The following RPA2 variants were observed in gnomAD, a reference collection of about 807,000 sequenced individuals.
RPA2 encodes replication protein A2, also known as replication protein A 32 kDa subunit.
A neutral mutation model predicts 33.4 loss-of-function variants in RPA2; 22 were observed. The ratio of observed to expected loss-of-function variants is 0.66; its 90% confidence interval spans 0.47 to 0.94. The LOEUF (loss-of-function observed/expected upper bound fraction) is 0.94. Among genes scored for constraint, RPA2 ranks in the 40% least tolerant of loss-of-function variants. The probability of loss-of-function intolerance (pLI) is 0.00; values close to 1 mark genes in which losing one functional copy is unlikely to be tolerated. For missense variants in RPA2, 279 were observed against 329.9 expected (o/e 0.85, Z 1.19); for synonymous variants, 109 against 114.9 (o/e 0.95, Z 0.33).
intron 4 of RPA2, among the ~76,000 whole-genome samples, chr1:27,899,694 T>C (rs2089942342): frequency 6.6e-6 from 1 of 152,008 alleles, no homozygotes; most frequent in African/African-American, 2.4e-5. Flanking sequence ...TTTTTCTTTT[T>C]TTTTGAGACA....
intron 8 of RPA2, 21 bp downstream of exon 8, chr1:27,893,991 T>A: frequency 6.3e-7 from 1 of 1,588,198 alleles, no homozygotes; most frequent in Non-Finnish European, 8.6e-7. Flanking sequence ...GAGCCTGAGC[T>A]CATGAAAATC....
intron 4 of RPA2, among the ~76,000 whole-genome samples, chr1:27,904,649 C>T (rs2064709): frequency 0.44 from 66,032 of 151,354 alleles, 14,970 homozygotes; most frequent in African/African-American, 0.58. Flanking sequence ...AGGAGAACCG[C>T]ATTTTTTTTT....
chr1:27,911,044 C>T (rs1251159191), intron 2 of RPA2, among the ~76,000 whole-genome samples: 1 of 151,370 alleles, frequency 6.6e-6, no homozygotes, highest in African/African-American at 2.4e-5. Flanking sequence ...GGCAAAACCC[C>T]GTCTCCACTG....
At chr1:27,906,803 A>T in intron 4 of RPA2, 125 bp downstream of exon 4, 1 of 637,600 alleles carries the variant, frequency 1.6e-6, no homozygotes, top group Non-Finnish European at 2.7e-6. Context: ...CTTTTACTTT[A>T]GAGTATCTGT....
At chr1:27,894,899 G>C (rs1249576609) in intron 6 of RPA2, among the ~76,000 whole-genome samples, 2 of 151,850 alleles carry the variant, frequency 1.3e-5, no homozygotes, top group African/African-American at 4.8e-5. Context: ...ACCATATTTG[G>C]GTTGTCCCCC....
chr1:27,904,647 C>A, intron 4 of RPA2, among the ~76,000 whole-genome samples: 1 of 151,536 alleles, frequency 6.6e-6, no homozygotes, highest in Admixed American at 6.6e-5. Context: ...GAAGGAGAAC[C>A]GCATTTTTTT....
At chr1:27,908,284 G>A (rs546535212) in intron 2 of RPA2, among the ~76,000 whole-genome samples, 8 of 150,958 alleles carry the variant, frequency 5.3e-5, no homozygotes, top group African/African-American at 1.9e-4. Context: ...ACCACATCCA[G>A]TCAATTAAAA....
chr1:27,900,674 C>CT (rs980995633), intron 4 of RPA2, among the ~76,000 whole-genome samples: 4 of 151,222 alleles, frequency 2.6e-5, no homozygotes, highest in East Asian at 1.9e-4. Context: ...GAGTTGCTTC[C>CT]TTTTTTTTGA....
At chr1:27,895,501 G>A (rs1002642574) in intron 6 of RPA2, among the ~76,000 whole-genome samples, 1 of 152,038 alleles carries the variant, frequency 6.6e-6, no homozygotes, top group African/African-American at 2.4e-5. Flanking sequence ...AGATCACGAG[G>A]TCAGGAGATC....
Position 27,901,393 on chromosome 1 carries a change from G to A in RPA2, c.334-3686C>T, listed in dbSNP as rs542345136. The stretch of plus-strand genomic sequence containing the variant: ...TCTTCTTTTTTTGAGAGACAGTTTC[G>A]CTCCTGTTGCCCAGGCTGGAGTGCA... On this transcript the variant is annotated intron_variant, in intron 4 of 8. Transcript: ENST00000373912. 2.0e-5 allele frequency among the ~76,000 whole-genome samples: 3 copies of A among 151,034 alleles called. No homozygotes were observed. The East Asian group carries it at 5.8e-4, about 29-fold the overall frequency.
At chr1:27,908,610 C>A (rs754023474) in intron 2 of RPA2, among the ~76,000 whole-genome samples, 1 of 152,032 alleles carries the variant, frequency 6.6e-6, no homozygotes, top group Non-Finnish European at 1.5e-5. Flanking sequence ...ATTCTCCTGT[C>A]TCAGCCCCCC....
At chr1:27,907,606 G>A (rs148040647) in intron 2 of RPA2, among the ~76,000 whole-genome samples, 1 of 152,360 alleles carries the variant, frequency 6.6e-6, no homozygotes, top group Non-Finnish European at 1.5e-5. Flanking sequence ...AGACCTTCAA[G>A]AGGAAACCCC....
intron 2 of RPA2, among the ~76,000 whole-genome samples, chr1:27,911,284 G>C (rs74625225): frequency 6.6e-6 from 1 of 151,926 alleles, no homozygotes; most frequent in Non-Finnish European, 1.5e-5. Flanking sequence ...CCAGCACCAC[G>C]GGAGGCAAGG....
chr1:27,903,719 CAAA>C (rs58435820), intron 4 of RPA2, among the ~76,000 whole-genome samples: 1 of 105,516 alleles, frequency 9.5e-6, no homozygotes, highest in African/African-American at 3.4e-5. Context: ...AGCTCAGTCT[CAAA>C]AAAAAAAAAA....
intron 6 of RPA2, among the ~76,000 whole-genome samples, chr1:27,895,716 G>T (rs886780701): frequency 3.3e-5 from 5 of 152,152 alleles, no homozygotes; most frequent in African/African-American, 1.2e-4. Context: ...GGGCGAAAGA[G>T]CGAGACTCTG....
At chr1:27,895,147 A>G (rs1025010857) in intron 6 of RPA2, among the ~76,000 whole-genome samples, 8 of 152,038 alleles carry the variant, frequency 5.3e-5, no homozygotes, top group African/African-American at 1.9e-4. Context: ...CTGTCTCCCA[A>G]AAAGCTGACA....
Position 27,891,866 on chromosome 1 carries a change from C to A in RPA2, c.*297G>T. 3.0e-6 allele frequency: 1 copy of A among 337,328 alleles called. No individual in the cohort carries two copies. The highest frequency in any genetic ancestry group is 5.7e-5 in the South Asian group (1 of 17,580). 20.9% of individuals were successfully genotyped at this position (337,328 alleles called of 1,614,324 possible). ...CTCCTGAGCACTATGTAAGTACTCT[C>A]CTGGTAGCATCCTTCCAATTCCATC... On this transcript the variant is annotated 3_prime_UTR_variant, in exon 9 of 9. Transcript: ENST00000373912.
intron 4 of RPA2, among the ~76,000 whole-genome samples, chr1:27,906,418 G>A (rs1290657687): frequency 5.3e-5 from 8 of 152,028 alleles, no homozygotes; most frequent in African/African-American, 1.9e-4. Flanking sequence ...GCTGGGTGTG[G>A]TGGCTCAAGC....
At chr1:27,903,861 A>AT (rs1463643337) in intron 4 of RPA2, among the ~76,000 whole-genome samples, 10 of 115,012 alleles carry the variant, frequency 8.7e-5, no homozygotes, top group East Asian at 2.6e-4. Context: ...CCCTGTCTCT[A>AT]TTTAAAAAAA....
Sources: gnomAD v4.1 joint callset for allele counts (sites outside exome capture counted in the v4.1 genomes callset) on GRCh38, gnomAD v4.1.1 for gene constraint, MANE v1.5 for transcripts, NCBI Gene and HGNC (gene_info 2026-07-23, HGNC 2026-07-21) for gene names.